Variants in NEGR1 observed in about 807,000 individuals in gnomAD.
NEGR1 encodes neuronal growth regulator 1.
NEGR1 carries 10 observed loss-of-function variants against 40.9 expected under a neutral mutation model. That is an observed-to-expected ratio of 0.24 (90% CI 0.15 to 0.42). The LOEUF (loss-of-function observed/expected upper bound fraction) is 0.42. Ranked by LOEUF, NEGR1 falls within the 10% of genes least tolerant of loss-of-function variation. The probability of loss-of-function intolerance (pLI) is 1.00; values close to 1 mark genes in which losing one functional copy is unlikely to be tolerated. For missense variants in NEGR1, 352 were observed against 438.9 expected, an observed-to-expected ratio of 0.80 and a Z score of 1.77; for synonymous variants, 185 against 166.8, an observed-to-expected ratio of 1.11 and a Z score of -0.84.
intron 2 of NEGR1, among the ~76,000 whole-genome samples, chr1:71,828,390 T>C (rs1244549596): frequency 2.6e-5 from 4 of 151,986 alleles, no homozygotes; most frequent in African/African-American, 9.7e-5. Context: ...GAAAAGGATA[T>C]AATAAAGAGA....
At chr1:71,910,795 T>C (rs1024158410) in intron 2 of NEGR1, among the ~76,000 whole-genome samples, 4 of 152,074 alleles carry the variant, frequency 2.6e-5, no homozygotes, top group Admixed American at 2.6e-4. Flanking sequence ...CTTCGCAGGC[T>C]CAGGTGGTTC....
chr1:71,735,533 G>GA (rs1330218692), intron 3 of NEGR1, among the ~76,000 whole-genome samples: 1 of 151,814 alleles, frequency 6.6e-6, no homozygotes, highest in Non-Finnish European at 1.5e-5. Flanking sequence ...ATGATTTATA[G>GA]AAAAACATAT....
intron 1 of NEGR1, among the ~76,000 whole-genome samples, chr1:72,198,195 G>A (rs2100441657): frequency 6.6e-6 from 1 of 152,100 alleles, no homozygotes; most frequent in East Asian, 1.9e-4. Context: ...TGATAGCTAG[G>A]AGCGTACATA....
intron 2 of NEGR1, among the ~76,000 whole-genome samples, chr1:71,914,134 G>T (rs1319315033): frequency 6.6e-6 from 1 of 152,146 alleles, no homozygotes; most frequent in Non-Finnish European, 1.5e-5. Context: ...TCCTGAACAG[G>T]AATTAACTCT....
chr1:71,481,926 C>A (rs1046369530), intron 6 of NEGR1, among the ~76,000 whole-genome samples: 1 of 151,622 alleles, frequency 6.6e-6, no homozygotes, highest in African/African-American at 2.4e-5. Context: ...ATTCTCTGAG[C>A]TTTATTTTTC....
At chr1:72,078,910 G>C (rs1001429832) in intron 1 of NEGR1, among the ~76,000 whole-genome samples, 1 of 150,912 alleles carries the variant, frequency 6.6e-6, no homozygotes, top group Non-Finnish European at 1.5e-5. Flanking sequence ...AAAGTGCTGG[G>C]ATTACAGGCA....
chr1:71,699,737 C>T (rs576558797), intron 3 of NEGR1, among the ~76,000 whole-genome samples: 14 of 151,916 alleles, frequency 9.2e-5, no homozygotes, highest in Admixed American at 3.3e-4. Context: ...TGTGCCCCAA[C>T]CCGACTCTCA....
At chr1:72,092,475 C>T (rs1345147438) in intron 1 of NEGR1, among the ~76,000 whole-genome samples, 1 of 152,122 alleles carries the variant, frequency 6.6e-6, no homozygotes. Context: ...GGAAACATGC[C>T]TTTAAAAATC....
chr1:72,015,516 T>A (rs1290518845), intron 1 of NEGR1, among the ~76,000 whole-genome samples: 1 of 152,024 alleles, frequency 6.6e-6, no homozygotes, highest in Non-Finnish European at 1.5e-5. Context: ...CCATTATTAT[T>A]CTTCAAGGCC....
intron 1 of NEGR1, among the ~76,000 whole-genome samples, chr1:72,110,147 C>T (rs758264188): frequency 2.1e-5 from 3 of 145,788 alleles, no homozygotes; most frequent in East Asian, 4.0e-4. Flanking sequence ...ATTATACGCA[C>T]GTAATTTCCA....
chr1:71,962,968 AC>A (rs1646178684), intron 1 of NEGR1, among the ~76,000 whole-genome samples: 1 of 152,092 alleles, frequency 6.6e-6, no homozygotes, highest in Non-Finnish European at 1.5e-5. Flanking sequence ...TAAAAAAAAT[AC>A]AGAAATACTC....
At chr1:72,103,480 G>C (rs975682363) in intron 1 of NEGR1, among the ~76,000 whole-genome samples, 1 of 152,012 alleles carries the variant, frequency 6.6e-6, no homozygotes, top group African/African-American at 2.4e-5. Flanking sequence ...CCTGCTACTG[G>C]ATGAAATATG....
At chr1:71,754,441 T>A (rs527501750) in intron 3 of NEGR1, among the ~76,000 whole-genome samples, 1 of 152,224 alleles carries the variant, frequency 6.6e-6, no homozygotes, top group East Asian at 1.9e-4. Context: ...TAAGGAAAAA[T>A]CCCCTCTTAA....
chr1:71,499,986 T>C (rs1646989099), intron 6 of NEGR1, among the ~76,000 whole-genome samples: 2 of 152,250 alleles, frequency 1.3e-5, no homozygotes, highest in South Asian at 2.1e-4. Context: ...CTTTATTGAA[T>C]TAAAATTCAA....
chr1:72,251,004 C>T (rs1401126996), intron 1 of NEGR1, among the ~76,000 whole-genome samples: 4 of 152,182 alleles, frequency 2.6e-5, no homozygotes, highest in Non-Finnish European at 5.9e-5. Flanking sequence ...AATTTATGAA[C>T]TCATGAATTC....
intron 6 of NEGR1, among the ~76,000 whole-genome samples, chr1:71,530,358 A>T (rs913649860): frequency 2.6e-5 from 4 of 151,284 alleles, no homozygotes; most frequent in African/African-American, 9.7e-5. Flanking sequence ...TCTTTTGCTT[A>T]GTTATATATT....
In NEGR1 at chr1:72,079,086, A is replaced by AATATATATATATATAT. The variant is rs67575298; in HGVS notation, c.177-143791_177-143776dup. On this transcript the variant is annotated intron_variant, in intron 1 of 6. Coordinates refer to ENST00000357731, the MANE Select transcript of NEGR1 (RefSeq NM_173808.3). ...ATATGTCAATGGTTACATTTAACAG[A>AATATATATATATATAT]ATATATATATATATATATATATATA... is the stretch of plus-strand genomic sequence containing the variant. Among the ~76,000 whole-genome samples, 819 of 142,270 alleles carry AATATATATATATATAT rather than the reference A, an allele frequency of 5.8e-3. 10 individuals carry two copies. The highest frequency in any genetic ancestry group is 0.03 in the East Asian group (132 of 4,450). 93.3% of individuals were successfully genotyped at this position (142,270 alleles called of 152,430 possible).
At chr1:71,992,015 G>A (rs774264179) in intron 1 of NEGR1, among the ~76,000 whole-genome samples, 25 of 151,844 alleles carry the variant, frequency 1.6e-4, no homozygotes, top group Non-Finnish European at 2.6e-4. Flanking sequence ...GGCTGGTCAC[G>A]AACTCCTGAG....
intron 1 of NEGR1, among the ~76,000 whole-genome samples, chr1:72,027,191 G>A (rs1646818191): frequency 6.6e-6 from 1 of 152,136 alleles, no homozygotes. Context: ...CTCCCAAAGT[G>A]CTGGAATTAC....
Sources: allele counts gnomAD v4.1 joint callset (sites outside exome capture counted in the v4.1 genomes callset), GRCh38; gene constraint gnomAD v4.1.1; transcripts MANE v1.5; gene names NCBI Gene and HGNC (gene_info 2026-07-23, HGNC 2026-07-21).